Variants in ASIC2 observed in about 807,000 individuals in gnomAD.
ASIC2 encodes acid sensing ion channel subunit 2, also known as acid-sensing ion channel 2.
ASIC2 carries 25 observed loss-of-function variants against 57.3 expected under a neutral mutation model. The observed-to-expected ratio is 0.44, with a 90% CI of 0.32 to 0.61. ASIC2 has a LOEUF of 0.61. ASIC2 is among the 20% of genes least tolerant of loss of function. The pLI, the probability that ASIC2 is intolerant of heterozygous loss-of-function variation, is 0.06. For synonymous variants in ASIC2, 319 were observed against 307.5 expected, an observed-to-expected ratio of 1.04 and a Z score of -0.39; for missense variants, 641 against 738.1, an observed-to-expected ratio of 0.87 and a Z score of 1.52.
intron 1 of ASIC2, among the ~76,000 whole-genome samples, chr17:33,420,362 AC>A (rs1177148275): frequency 6.6e-6 from 1 of 152,232 alleles, no homozygotes; most frequent in Non-Finnish European, 1.5e-5. Context: ...TGATTAGGGA[AC>A]TGATGAAGAT....
At chr17:34,081,846 T>C (rs1322823890) in intron 1 of ASIC2, among the ~76,000 whole-genome samples, 3 of 152,160 alleles carry the variant, frequency 2.0e-5, no homozygotes, top group Non-Finnish European at 4.4e-5. Flanking sequence ...TTGGAGATAA[T>C]AGTTTCAGAG....
At chr17:33,014,834 A>G (rs1167970452) in intron 9 of ASIC2, among the ~76,000 whole-genome samples, 1 of 152,216 alleles carries the variant, frequency 6.6e-6, no homozygotes, top group African/African-American at 2.4e-5. Flanking sequence ...CCACTTGCTG[A>G]GCACTTACTA....
intron 1 of ASIC2, among the ~76,000 whole-genome samples, chr17:33,287,100 T>C (rs960957175): frequency 3.3e-5 from 5 of 152,324 alleles, no homozygotes; most frequent in African/African-American, 9.6e-5. Context: ...GAGCACTTTA[T>C]CCACATTATG....
chr17:33,493,820 C>G, intron 1 of ASIC2, among the ~76,000 whole-genome samples: 1 of 152,156 alleles, frequency 6.6e-6, no homozygotes, highest in African/African-American at 2.4e-5. Flanking sequence ...CATTCAAGCC[C>G]ACAAAACTCA....
intron 1 of ASIC2, among the ~76,000 whole-genome samples, chr17:33,710,524 TG>T (rs1479800182): frequency 6.6e-6 from 1 of 152,196 alleles, no homozygotes; most frequent in Admixed American, 6.5e-5. Flanking sequence ...GGTGAGGTCA[TG>T]GGAGGCTTCC....
intron 2 of ASIC2, among the ~76,000 whole-genome samples, chr17:33,100,832 C>A (rs1019128159): frequency 6.6e-6 from 1 of 152,228 alleles, no homozygotes; most frequent in Non-Finnish European, 1.5e-5. Context: ...TAGCTGTTCT[C>A]CTCAGACCCT....
Position 34,049,897 on chromosome 17 carries a change from A to G in ASIC2, c.555+106081T>C, listed in dbSNP as rs528254161. Among the ~76,000 whole-genome samples the G allele has an allele frequency of 2.0e-5, 3 of 152,206 alleles. No individual in the cohort carries two copies. In the South Asian group the frequency reaches 6.2e-4, roughly 32 times the overall value. ...CTTCAATAAACCCTGTTTCTCACATATTGAAATTCTCTGTTTACCTGCCTG... is the reference window on the plus strand; with the variant it reads ...CTTCAATAAACCCTGTTTCTCACATGTTGAAATTCTCTGTTTACCTGCCTG... On this transcript the variant is annotated intron_variant, in intron 1 of 9. Transcript: ENST00000359872.
intron 1 of ASIC2, among the ~76,000 whole-genome samples, chr17:33,372,074 C>T (rs886665975): frequency 6.6e-6 from 1 of 152,038 alleles, no homozygotes; most frequent in Non-Finnish European, 1.5e-5. Context: ...CTCCCCCAGA[C>T]CCTCTCTGCC....
In ASIC2 at chr17:33,926,349, C is replaced by CT. The variant is rs569492508; in HGVS notation, c.555+229628dup. Among the ~76,000 whole-genome samples the CT allele has an allele frequency of 4.8e-3, 725 of 151,538 alleles. 1 individual carries two copies. The highest frequency in any genetic ancestry group is 7.6e-3 in the Non-Finnish European group (513 of 67,836). ...GACCAGACGTATTTTGAATTTTGAA[C>CT]TTTTTTTTTGGGATTTTTGAATACA... is the stretch of plus-strand genomic sequence containing the variant. On this transcript the variant is annotated intron_variant, in intron 1 of 9. Coordinates refer to the ASIC2 transcript ENST00000359872.
chr17:33,774,432 G>A (rs1911205179), intron 1 of ASIC2, among the ~76,000 whole-genome samples: 1 of 152,118 alleles, frequency 6.6e-6, no homozygotes, highest in Non-Finnish European at 1.5e-5. Flanking sequence ...CATAGATATG[G>A]ATGACTGGAA....
rs1217684418 is a variant in ASIC2, at chr17:33,292,362, G to C, written c.-247C>G. On this transcript the variant is annotated 5_prime_UTR_variant, in exon 1 of 10. Transcript: ENST00000225823. Reference sequence around the variant, plus strand: ...GCAGCCCCTGGCAGTGGCCTCTCCCGAGCGCCTCCCAGGCTTTCCCGGCCC... The same window carrying C: ...GCAGCCCCTGGCAGTGGCCTCTCCCCAGCGCCTCCCAGGCTTTCCCGGCCC... 1.0e-6 allele frequency: 1 copy of C among 985,780 alleles called. No individual in the cohort carries two copies. Among genetic ancestry groups the C allele is most frequent in the Non-Finnish European group, 1.2e-6 (1 of 830,650 alleles). 61.1% of individuals were successfully genotyped at this position (985,780 alleles called of 1,614,324 possible).
chr17:34,095,362 C>T (rs1025545699), intron 1 of ASIC2, among the ~76,000 whole-genome samples: 35 of 151,964 alleles, frequency 2.3e-4, no homozygotes, highest in Admixed American at 1.5e-3. Flanking sequence ...GCTGGCAGTG[C>T]CATCAAAGAC....
intron 1 of ASIC2, among the ~76,000 whole-genome samples, chr17:33,912,190 A>G (rs1311771984): frequency 6.7e-6 from 1 of 149,848 alleles, no homozygotes; most frequent in Non-Finnish European, 1.5e-5. Context: ...CTAATAAACT[A>G]ATAAACTTTA....
rs1297504373 is a variant in ASIC2, at chr17:33,448,427, G to A, written c.556-336360C>T. On this transcript the variant is annotated intron_variant, in intron 1 of 9. Coordinates refer to the ASIC2 transcript ENST00000359872. ...GAATAAATTAAGGATCTCGAGATAA[G>A]GAAATTATCCTGGATTGGCCCTATG... Among the ~76,000 whole-genome samples, 5 of 152,178 alleles carry A rather than the reference G, an allele frequency of 3.3e-5. No homozygotes were observed. In the East Asian group the frequency reaches 7.7e-4, roughly 23 times the overall value.
intron 1 of ASIC2, among the ~76,000 whole-genome samples, chr17:33,486,725 T>C (rs1913587032): frequency 6.6e-6 from 1 of 152,216 alleles, no homozygotes; most frequent in Non-Finnish European, 1.5e-5. Flanking sequence ...CTGTGGGCCT[T>C]GGACACTGAC....
chr17:33,222,007 C>T lies in ASIC2; in HGVS notation c.708+69401G>A, dbSNP rs1350009590. Among the ~76,000 whole-genome samples the T allele has an allele frequency of 3.3e-5, 5 of 152,266 alleles. No individual in the cohort carries two copies. The East Asian group carries it at 9.6e-4, about 29-fold the overall frequency. On this transcript the variant is annotated intron_variant, in intron 1 of 9. Transcript: ENST00000225823. Reference sequence around the variant, plus strand: ...ATCGAGTGTGTTTGGGAAGGCTATCCTGGAAACTTAACTATTCCCTAGGAT... The same window carrying T: ...ATCGAGTGTGTTTGGGAAGGCTATCTTGGAAACTTAACTATTCCCTAGGAT...
intron 1 of ASIC2, among the ~76,000 whole-genome samples, chr17:33,666,370 G>T (rs1038608975): frequency 2.6e-5 from 4 of 152,138 alleles, no homozygotes; most frequent in African/African-American, 9.7e-5. Flanking sequence ...GTGGCAGAAG[G>T]TACTTTTAGG....
chr17:33,803,586 CTTTTTTT>C (rs961357779), intron 1 of ASIC2, among the ~76,000 whole-genome samples: 14 of 96,870 alleles, frequency 1.4e-4, no homozygotes, highest in East Asian at 5.7e-4. Context: ...TTTCCCTTTT[CTTTTTTT>C]TTTTTTTTTT....
At chr17:33,143,998 C>T (rs1051761764) in intron 1 of ASIC2, among the ~76,000 whole-genome samples, 3 of 152,128 alleles carry the variant, frequency 2.0e-5, no homozygotes, top group Non-Finnish European at 4.4e-5. Flanking sequence ...CAACCCTTCT[C>T]TTTCTAGGAA....
Sources: gnomAD v4.1 joint callset for allele counts (sites outside exome capture counted in the v4.1 genomes callset) on GRCh38, gnomAD v4.1.1 for gene constraint, MANE v1.5 for transcripts, NCBI Gene and HGNC (gene_info 2026-07-23, HGNC 2026-07-21) for gene names.